Variants in HIPK2 observed in about 807,000 individuals in gnomAD.
HIPK2 encodes the protein homeodomain-interacting protein kinase 2.
A neutral mutation model predicts 113.7 loss-of-function variants in HIPK2; 27 were observed. The observed-to-expected ratio is 0.24, with a 90% CI of 0.17 to 0.33. The LOEUF is 0.33. Ranked by LOEUF, HIPK2 falls within the 10% of genes least tolerant of loss-of-function variation. The pLI, the probability that HIPK2 is intolerant of heterozygous loss-of-function variation, is 1.00. For missense variants in HIPK2, 1,257 were observed against 1,588.0 expected, an observed-to-expected ratio of 0.79 and a Z score of 3.54; for synonymous variants, 631 against 642.2, an observed-to-expected ratio of 0.98 and a Z score of 0.26.
At chr7:139,580,666 C>T (rs527743643) in intron 13 of HIPK2, among the ~76,000 whole-genome samples, 1 of 152,352 alleles carries the variant, frequency 6.6e-6, no homozygotes, top group Admixed American at 6.5e-5. Flanking sequence ...CAGGGCCAGA[C>T]CTCTGGGAGG....
chr7:139,707,774 C>T (rs940655466), intron 2 of HIPK2, among the ~76,000 whole-genome samples: 11 of 152,246 alleles, frequency 7.2e-5, no homozygotes, highest in Non-Finnish European at 1.6e-4. Context: ...GCTCCAAACC[C>T]AGCTGTGGCT....
chr7:139,671,762 G>C (rs773206147), intron 2 of HIPK2, among the ~76,000 whole-genome samples: 1 of 152,182 alleles, frequency 6.6e-6, no homozygotes, highest in Non-Finnish European at 1.5e-5. Context: ...ATGTTGGCCA[G>C]GCTGGTCTCG....
chr7:139,667,076 AC>A (rs200464807), intron 2 of HIPK2, among the ~76,000 whole-genome samples: 18 of 150,688 alleles, frequency 1.2e-4, no homozygotes, highest in South Asian at 2.1e-4. Context: ...AAAAAAAAAA[AC>A]AAAACAAAAA....
chr7:139,733,580 CTA>C (rs1409948304), intron 1 of HIPK2, among the ~76,000 whole-genome samples: 2 of 152,088 alleles, frequency 1.3e-5, no homozygotes, highest in Non-Finnish European at 2.9e-5. Context: ...TAAAAATAAT[CTA>C]TGTTTTACTT....
chr7:139,596,872 C>A lies in HIPK2; in HGVS notation c.2562G>T (p.Ser854=). The change falls in exon 12 of 15, where the codon TCG becomes TCT. Residue 854 remains serine, a synonymous_variant. Coordinates refer to ENST00000406875, the MANE Select transcript of HIPK2 (RefSeq NM_022740.5). ...CCACGTCGCCCCACCCACAGGTGAC[C>A]GAGGTGCTGCAGGCCGGGCTACTGT... ...MVHSSPACST[S]VTCGWGDVAS... 2 of 1,613,904 alleles carry A rather than the reference C, an allele frequency of 1.2e-6. No individual in the cohort carries two copies. Among genetic ancestry groups the A allele is most frequent in the Non-Finnish European group, 1.7e-6 (2 of 1,179,876 alleles).
intron 1 of HIPK2, among the ~76,000 whole-genome samples, chr7:139,749,458 T>G (rs1055732746): frequency 1.3e-5 from 2 of 151,506 alleles, no homozygotes; most frequent in African/African-American, 4.9e-5. Context: ...TAAAAGATCT[T>G]GCACAAGTGA....
chr7:139,629,137 C>T (rs1800529011), intron 4 of HIPK2, 98 bp from the exon 5 acceptor site: 2 of 946,328 alleles, frequency 2.1e-6, no homozygotes, highest in Admixed American at 4.4e-5. Flanking sequence ...GGGTCTCTTT[C>T]CCACATTTCG....
In HIPK2 at chr7:139,716,995, C is replaced by G; in HGVS notation, c.40G>C (p.Val14Leu). The G allele has an allele frequency of 1.2e-6, 2 of 1,610,946 alleles. No individual in the cohort carries two copies. The highest frequency in any genetic ancestry group is 1.7e-6 in the Non-Finnish European group (2 of 1,177,340). The change falls in exon 2 of 15, where the codon GTT becomes CTT. Residue 14 changes from valine (V) to leucine (L), a missense_variant. Val to Leu is a conservative substitution (Grantham distance 32). Transcript: ENST00000406875. This position sits in a 1 kb window ranked among gnomAD's most constrained non-coding sequence, Gnocchi z 9.3. The stretch of plus-strand genomic sequence containing the variant: ...GATTGAAGGGTGTGAGGGGAGAAAA[C>G]TTGCACATGTGAGGCCATACCTACA... ...VYEGMASHVQVFSPHTLQSSA... is the reference protein window; with the variant it reads ...VYEGMASHVQLFSPHTLQSSA...
Position 139,570,765 on chromosome 7 carries a change from C to G in HIPK2, c.*2162G>C, listed in dbSNP as rs1214552813. 6.6e-6 allele frequency: 1 copy of G among 152,546 alleles called. No individual in the cohort carries two copies. Among genetic ancestry groups the G allele is most frequent in the Non-Finnish European group, 1.5e-5 (1 of 68,072 alleles). The allele number at this position is 152,546 out of a possible 1,614,324, so 9.4% of individuals were successfully genotyped here. ...GAGGATGAGGATGGGGCCGCTGACTCGGGAAAGATCTCTTTGCACCTTGGA... is the reference window on the plus strand; with the variant it reads ...GAGGATGAGGATGGGGCCGCTGACTGGGGAAAGATCTCTTTGCACCTTGGA... On this transcript the variant is annotated 3_prime_UTR_variant, in exon 15 of 15. Coordinates refer to ENST00000406875, the MANE Select transcript of HIPK2 (RefSeq NM_022740.5).
rs941654787 is a variant in HIPK2, at chr7:139,582,360, T to G, written c.2965+1457A>C. On this transcript the variant is annotated intron_variant, in intron 13 of 14. Transcript: ENST00000406875. ...TATTTTTCCTGAAGGTAAGGTCTCC[T>G]TCTTCCGAGAGAGCACAGCGCGAGC... Among the ~76,000 whole-genome samples, 5 of 152,214 alleles carry G rather than the reference T, an allele frequency of 3.3e-5. No homozygotes were observed. The South Asian group carries it at 1.0e-3, about 32-fold the overall frequency.
At chr7:139,760,164 A>G (rs752259508) in intron 1 of HIPK2, among the ~76,000 whole-genome samples, 22 of 152,000 alleles carry the variant, frequency 1.4e-4, no homozygotes, top group Non-Finnish European at 2.8e-4. Flanking sequence ...CACCACGCCC[A>G]GCTAATTTTT....
At chr7:139,745,504 G>A (rs771878519) in intron 1 of HIPK2, among the ~76,000 whole-genome samples, 18 of 152,184 alleles carry the variant, frequency 1.2e-4, no homozygotes, top group Admixed American at 7.2e-4. Context: ...GCAGGGCCTC[G>A]AGGACTCTAA....
At chr7:139,675,346 T>C (rs554435809) in intron 2 of HIPK2, among the ~76,000 whole-genome samples, 1 of 150,928 alleles carries the variant, frequency 6.6e-6, no homozygotes, top group East Asian at 2.0e-4. Context: ...AACAGGTCAC[T>C]TTACAAACAA....
In HIPK2 at chr7:139,683,168, C is replaced by T. The variant is rs1305686686; in HGVS notation, c.1103+32764G>A. 9.2e-5 allele frequency among the ~76,000 whole-genome samples: 14 copies of T among 152,218 alleles called. No individual in the cohort carries two copies. Among genetic ancestry groups the T allele is most frequent in the African/African-American group, 2.4e-5 (1 of 41,470 alleles). On this transcript the variant is annotated intron_variant, in intron 2 of 14. Transcript: ENST00000406875. This position sits in a 1 kb window ranked among gnomAD's most constrained non-coding sequence, Gnocchi z 4.2. ...ACCTGGAAGGGCCTGGCTCTCACCT[C>T]GGAGCCTGGACGTGACCTGCTTCAT...
chr7:139,676,566 C>T (rs553888086), intron 2 of HIPK2, among the ~76,000 whole-genome samples: 1 of 152,280 alleles, frequency 6.6e-6, no homozygotes, highest in South Asian at 2.1e-4. Context: ...TTTCTGTGAG[C>T]ACTAAGATCT....
Position 139,620,420 on chromosome 7 carries a change from A to G in HIPK2, c.1763T>C (p.Leu588Pro). The part of the protein sequence containing the change: ...TNLTMTFNNQ[L>P]TTVHNQAPSS... ...ACTTACCTGGTTGTGGACAGTGGTC[A>G]GCTGGTTGTTAAAGGTCATGGTCAG... The change falls in exon 7 of 15, where the codon CTG becomes CCG. Residue 588 changes from leucine (L) to proline (P), a missense_variant. By Grantham distance (98) the Leu-to-Pro change is moderately conservative. Transcript: ENST00000406875. 6.2e-7 allele frequency: 1 copy of G among 1,613,902 alleles called. No homozygotes were observed. The highest frequency in any genetic ancestry group is 8.5e-7 in the Non-Finnish European group (1 of 1,179,868).
intron 2 of HIPK2, among the ~76,000 whole-genome samples, chr7:139,641,445 G>A (rs535560364): frequency 2.0e-5 from 3 of 151,506 alleles, no homozygotes; most frequent in Admixed American, 2.0e-4. Context: ...AAATACTACC[G>A]TAACCTAGTG....
chr7:139,676,458 C>G (rs537819933), intron 2 of HIPK2, among the ~76,000 whole-genome samples: 1 of 152,348 alleles, frequency 6.6e-6, no homozygotes, highest in African/African-American at 2.4e-5. Flanking sequence ...CATCTTTGTG[C>G]TCACCCAATG....
At chr7:139,621,923 AG>A (rs1201413840) in intron 6 of HIPK2, among the ~76,000 whole-genome samples, 12 of 128,196 alleles carry the variant, frequency 9.4e-5, no homozygotes, top group African/African-American at 3.1e-4. Context: ...ACCCTGTCTC[AG>A]GAAAAAAAAA....
Sources: gnomAD v4.1 joint callset for allele counts (sites outside exome capture counted in the v4.1 genomes callset) on GRCh38, gnomAD v4.1.1 for gene constraint, Gnocchi (gnomAD v3.1) non-coding constraint, MANE v1.5 for transcripts, NCBI Gene and HGNC (gene_info 2026-07-23, HGNC 2026-07-21) for gene names.